The following SWT1 variants were observed in gnomAD, a reference collection of about 807,000 sequenced individuals.
SWT1 encodes the protein transcriptional protein SWT1.
SWT1 carries 33 observed loss-of-function variants against 107.3 expected under a neutral mutation model. That is an observed-to-expected ratio of 0.31 (90% CI 0.23 to 0.41). The LOEUF is 0.41. Among genes scored for constraint, SWT1 ranks in the 10% least tolerant of loss-of-function variants. The probability of loss-of-function intolerance (pLI) is 1.00; values close to 1 mark genes in which losing one functional copy is unlikely to be tolerated. For synonymous variants in SWT1, 345 were observed against 348.3 expected, an observed-to-expected ratio of 0.99 and a Z score of 0.11; for missense variants, 898 against 1,028.9, an observed-to-expected ratio of 0.87 and a Z score of 1.74.
chr1:185,185,971 A>G (rs1656432248), intron 9 of SWT1, among the ~76,000 whole-genome samples: 1 of 152,070 alleles, frequency 6.6e-6, no homozygotes, highest in Non-Finnish European at 1.5e-5. Flanking sequence ...TATTTATTTG[A>G]TATAGTATTG....
intron 18 of SWT1, among the ~76,000 whole-genome samples, chr1:185,288,137 T>A (rs569564045): frequency 1.3e-5 from 2 of 152,284 alleles, no homozygotes; most frequent in South Asian, 4.1e-4. Context: ...TTCAAAATCA[T>A]TTTTTTGAGT....
At chr1:185,216,971 GAAAA>G (rs1287121279) in intron 14 of SWT1, among the ~76,000 whole-genome samples, 1 of 150,274 alleles carries the variant, frequency 6.7e-6, no homozygotes, top group African/African-American at 2.5e-5. Flanking sequence ...AAAAAGAAAA[GAAAA>G]GAAAAAAACC....
At chr1:185,187,279 C>T (rs1432125005) in intron 9 of SWT1, among the ~76,000 whole-genome samples, 8 of 151,770 alleles carry the variant, frequency 5.3e-5, no homozygotes, top group African/African-American at 1.2e-4. Context: ...AGGCTGGTCT[C>T]GAACTCCTGA....
intron 16 of SWT1, among the ~76,000 whole-genome samples, 157 bp from the exon 17 acceptor site, chr1:185,271,166 T>C (rs1245181469): frequency 6.6e-6 from 1 of 152,244 alleles, no homozygotes; most frequent in African/African-American, 2.4e-5. Flanking sequence ...TCTGGTTTTA[T>C]AATTTTTAAT....
chr1:185,200,197 TC>T (rs970229899), intron 10 of SWT1, among the ~76,000 whole-genome samples: 2 of 152,164 alleles, frequency 1.3e-5, no homozygotes, highest in Non-Finnish European at 2.9e-5. Context: ...TAGAACATGC[TC>T]CTTTAGCTCA....
At chr1:185,189,330 G>A (rs993648139) in intron 9 of SWT1, among the ~76,000 whole-genome samples, 24 of 152,092 alleles carry the variant, frequency 1.6e-4, no homozygotes, top group Admixed American at 5.2e-4. Flanking sequence ...GTTTTGAGGC[G>A]TAGAGAATGC....
chr1:185,276,519 C>T, intron 17 of SWT1, 85 bp from the exon 18 acceptor site: 1 of 674,742 alleles, frequency 1.5e-6, no homozygotes, highest in Non-Finnish European at 2.4e-6. Flanking sequence ...TTGAACTTTC[C>T]TCTCAGAATA....
At chr1:185,204,593 T>A (rs1658160117) in intron 11 of SWT1, 107 bp from the exon 12 acceptor site, 2 of 472,886 alleles carry the variant, frequency 4.2e-6, no homozygotes, top group South Asian at 1.2e-4. Flanking sequence ...TTATATATAA[T>A]TAAAATATAT....
In SWT1 at chr1:185,231,732, G is replaced by A. The variant is rs762188634; in HGVS notation, c.2441+24G>A. 1.0e-5 allele frequency: 16 copies of A among 1,569,024 alleles called. No individual in the cohort carries two copies. The South Asian group carries it at 1.8e-4, about 18-fold the overall frequency. ...AGGTAAACACTATATTAATTTTAAA[G>A]TGTTATTTACTTATTACTTTTCTCT... On this transcript the variant is annotated intron_variant, in intron 16 of 18. Coordinates refer to ENST00000367500, the MANE Select transcript of SWT1 (RefSeq NM_017673.7).
chr1:185,255,934 A>G (rs914975920), intron 16 of SWT1, among the ~76,000 whole-genome samples: 29 of 151,688 alleles, frequency 1.9e-4, no homozygotes, highest in African/African-American at 6.1e-4. Flanking sequence ...GTTCGTTTCC[A>G]TGTTTAGCGC....
intron 2 of SWT1, among the ~76,000 whole-genome samples, chr1:185,162,557 T>A (rs1654240984): frequency 6.6e-6 from 1 of 152,164 alleles, no homozygotes; most frequent in Admixed American, 6.5e-5. Flanking sequence ...ATTTAATAAA[T>A]TGTGATTCCA....
intron 10 of SWT1, among the ~76,000 whole-genome samples, chr1:185,193,935 T>C (rs1657172518): frequency 6.6e-6 from 1 of 152,224 alleles, no homozygotes; most frequent in African/African-American, 2.4e-5. Context: ...AATTGGAGAA[T>C]TCCCTCAGGC....
intron 16 of SWT1, among the ~76,000 whole-genome samples, chr1:185,266,949 A>G (rs143178101): frequency 6.6e-6 from 1 of 152,110 alleles, no homozygotes; most frequent in East Asian, 1.9e-4. Context: ...TTTTGCTTAC[A>G]TATAAAAGCA....
intron 18 of SWT1, among the ~76,000 whole-genome samples, 186 bp from the exon 19 acceptor site, chr1:185,290,488 A>T (rs182584327): frequency 1.3e-5 from 2 of 152,290 alleles, no homozygotes; most frequent in East Asian, 3.9e-4. Flanking sequence ...AAGTGTGTGG[A>T]ATAATGCATA....
chr1:185,186,270 A>C lies in SWT1; in HGVS notation c.1429+1339A>C, dbSNP rs551031036. Among the ~76,000 whole-genome samples, 4 of 152,200 alleles carry C rather than the reference A, an allele frequency of 2.6e-5. No individual in the cohort carries two copies. The East Asian group carries it at 7.7e-4, about 29-fold the overall frequency. ...TATCTGATTTATTTTTATCACTTCT[A>C]AGTTTAGAAAGTTACTCTCTCCCAA... On this transcript the variant is annotated intron_variant, in intron 9 of 18. Coordinates refer to ENST00000367500, the MANE Select transcript of SWT1 (RefSeq NM_017673.7).
intron 18 of SWT1, chr1:185,280,717 C>T (rs1429704492): frequency 7.9e-6 from 2 of 253,404 alleles, no homozygotes; most frequent in South Asian, 9.1e-5. Context: ...ATAAAAATCC[C>T]TGAACTGGCA....
At chr1:185,159,627 A>G (rs1349403001) in intron 1 of SWT1, among the ~76,000 whole-genome samples, 1 of 152,218 alleles carries the variant, frequency 6.6e-6, no homozygotes, top group Non-Finnish European at 1.5e-5. Context: ...GTCTAGTAGA[A>G]AGACAACCAT....
At chr1:185,176,533 A>T (rs1469471767) in intron 5 of SWT1, 1 of 969,598 alleles carries the variant, frequency 1.0e-6, no homozygotes, top group African/African-American at 1.8e-5. Flanking sequence ...TGAGAACCTA[A>T]TCTCTATAAT....
chr1:185,245,837 C>T lies in SWT1; in HGVS notation c.2441+14129C>T, dbSNP rs74877698. On this transcript the variant is annotated intron_variant, in intron 16 of 18. Transcript: ENST00000367500. Reference sequence around the variant, plus strand: ...AGGCTGGAGCACAGTGGTGTGATCTCGGCTCACTGCAACCTCTGCCTCCCA... The same window carrying T: ...AGGCTGGAGCACAGTGGTGTGATCTTGGCTCACTGCAACCTCTGCCTCCCA... Among the ~76,000 whole-genome samples the T allele has an allele frequency of 5.5e-3, 838 of 151,216 alleles. 35 individuals carry two copies. In the East Asian group the frequency reaches 0.094, roughly 17 times the overall value.
Sources: allele counts gnomAD v4.1 joint callset (sites outside exome capture counted in the v4.1 genomes callset), GRCh38; gene constraint gnomAD v4.1.1; transcripts MANE v1.5; gene names NCBI Gene and HGNC (gene_info 2026-07-23, HGNC 2026-07-21).